HMCN2: variants seen among roughly 807,000 people sequenced by gnomAD.
HMCN2 encodes the protein hemicentin-2.
A neutral mutation model predicts 377.5 loss-of-function variants in HMCN2; 325 were observed. That is an observed-to-expected ratio of 0.86 (90% CI 0.79 to 0.94). The LOEUF is 0.94. HMCN2 is among the 40% of genes least tolerant of loss of function. The pLI is 0.00. For synonymous variants in HMCN2, 2,007 were observed against 2,046.8 expected, an observed-to-expected ratio of 0.98 and a Z score of 0.53; for missense variants, 4,543 against 4,725.3, an observed-to-expected ratio of 0.96 and a Z score of 1.13.
intron 1 of HMCN2, among the ~76,000 whole-genome samples, chr9:130,275,100 G>C (rs7034727): frequency 0.79 from 120,063 of 151,866 alleles, 47,907 homozygotes; most frequent in African/African-American, 0.91. Flanking sequence ...TCCCCACACC[G>C]CCGCCAGCAT....
intron 50 of HMCN2, 50 bp downstream of exon 50, chr9:130,375,786 A>T: frequency 2.0e-6 from 2 of 983,876 alleles, no homozygotes; most frequent in Non-Finnish European, 2.4e-6. Flanking sequence ...ACATGTCATC[A>T]GAATTGGAGG....
chr9:130,280,329 AT>A (rs36002092), intron 1 of HMCN2, among the ~76,000 whole-genome samples: 125,266 of 139,326 alleles, frequency 0.9, 56,316 homozygotes, highest in East Asian at 0.96. Flanking sequence ...TGCCCGGCTA[AT>A]TTTTTTTTTT....
At chr9:130,418,494 C>T (rs1843812536) in intron 85 of HMCN2, among the ~76,000 whole-genome samples, 1 of 152,112 alleles carries the variant, frequency 6.6e-6, no homozygotes, top group South Asian at 2.1e-4. Flanking sequence ...TTGCAGTGAG[C>T]TGAGATCGCA....
intron 73 of HMCN2, among the ~76,000 whole-genome samples, chr9:130,397,234 A>G (rs192941499): frequency 1.8e-4 from 28 of 152,360 alleles, no homozygotes; most frequent in Middle Eastern, 3.4e-3. Context: ...GAGAGAGCTT[A>G]TGCAGAGAAA....
intron 22 of HMCN2, among the ~76,000 whole-genome samples, chr9:130,335,864 G>A (rs1282747153): frequency 3.3e-5 from 5 of 152,290 alleles, no homozygotes; most frequent in South Asian, 4.2e-4. Context: ...CCCTGGAGGC[G>A]GTTCCGCAGC....
Position 130,388,488 on chromosome 9 carries a change from G to T in HMCN2, c.9471G>T (p.Val3157=). ...GCCCCCTGGTCCTGACCTGTGATGTGTCCGGGGTCCCTGCACCCACGGTCA... is the reference window on the plus strand; with the variant it reads ...GCCCCCTGGTCCTGACCTGTGATGTTTCCGGGGTCCCTGCACCCACGGTCA... ...AGSPLVLTCD[V]SGVPAPTVTW... is the part of the protein sequence containing the mutation. Residue 3157 remains valine (V), a synonymous_variant, in exon 62 of 98, where the codon GTG becomes GTT. Coordinates refer to ENST00000683500, the MANE Select transcript of HMCN2 (RefSeq NM_001291815.2). 1 of 988,082 alleles carries T rather than the reference G, an allele frequency of 1.0e-6. No individual in the cohort carries two copies. The highest frequency in any genetic ancestry group is 4.7e-5 in the South Asian group (1 of 21,386). 61.2% of individuals were successfully genotyped at this position (988,082 alleles called of 1,614,324 possible).
In HMCN2 at chr9:130,306,219, C is replaced by T; in HGVS notation, c.1907C>T (p.Thr636Ile). 1 of 471,142 alleles carries T rather than the reference C, an allele frequency of 2.1e-6. No homozygotes were observed. The highest frequency in any genetic ancestry group is 4.4e-6 in the Non-Finnish European group (1 of 227,050). The allele number at this position is 471,142 out of a possible 1,614,324, so 29.2% of individuals were successfully genotyped here. A position where few individuals can be genotyped will look rare whatever the true frequency, so the allele number is the denominator to read the frequency against. Residue 636 changes from threonine (T) to isoleucine (I), a missense_variant, in exon 12 of 98, where the codon ACA becomes ATA. Transcript: ENST00000683500. Reference protein sequence around the residue: ...KVSCSASGYPTPHISWSRESQ... With the variant: ...KVSCSASGYPIPHISWSRESQ... ...AGCTGCTCAGCCTCTGGATACCCCA[C>T]ACCCCACATCTCCTGGAGCCGTGAG...
chr9:130,425,802 A>G lies in HMCN2; in HGVS notation c.13757A>G (p.Tyr4586Cys). ...SFLRCNHSIQ[Y>C]NAARGPQPQL... ...CTACGCTGCAACCACAGCATCCAGT[A>G]CAACGCGGCCCGGGGCCCCCAGCCC... Residue 4586 changes from tyrosine (Y) to cysteine (C), a missense_variant, in exon 90 of 98, where the codon TAC (tyrosine) becomes TGC (cysteine). Tyr to Cys is a radical substitution (Grantham distance 194). This residue lies in a region of HMCN2 where 1,155 missense variants were observed against 1,157.7 expected (regional missense o/e 1.00). Coordinates refer to ENST00000683500, the MANE Select transcript of HMCN2 (RefSeq NM_001291815.2). The G allele has an allele frequency of 6.4e-7, 1 of 1,550,510 alleles. No individual in the cohort carries two copies. The highest frequency in any genetic ancestry group is 8.7e-7 in the Non-Finnish European group (1 of 1,146,976).
intron 15 of HMCN2, among the ~76,000 whole-genome samples, chr9:130,311,463 G>A (rs1837237111): frequency 6.6e-6 from 1 of 152,164 alleles, no homozygotes; most frequent in African/African-American, 2.4e-5. Flanking sequence ...CCCTGTGCTG[G>A]GGACACAGGG....
intron 4 of HMCN2, among the ~76,000 whole-genome samples, chr9:130,290,605 G>A (rs1173529099): frequency 6.6e-6 from 1 of 152,072 alleles, no homozygotes; most frequent in East Asian, 1.9e-4. Flanking sequence ...GGCTTCTGTG[G>A]GCCTCTCCAG....
At chr9:130,380,810 A>G (rs185619163) in intron 54 of HMCN2, among the ~76,000 whole-genome samples, 125 of 151,214 alleles carry the variant, frequency 8.3e-4, no homozygotes, top group African/African-American at 2.6e-3. Flanking sequence ...AAAAAAAAAG[A>G]AGGAGGCCTC....
intron 71 of HMCN2, 60 bp downstream of exon 71, chr9:130,395,407 A>G: frequency 3.3e-6 from 4 of 1,216,544 alleles, no homozygotes. Flanking sequence ...CTCAGACCTG[A>G]CCTGGCCGGA....
At chr9:130,266,530 AG>A (rs1384245926) in intron 1 of HMCN2, among the ~76,000 whole-genome samples, 1 of 152,240 alleles carries the variant, frequency 6.6e-6, no homozygotes, top group Non-Finnish European at 1.5e-5. Context: ...GAGCCTTTGC[AG>A]GGCTTTTCCT....
rs1554935328 is a variant in HMCN2 at position 130,303,533 on chromosome 9, G to A, written c.1468G>A (p.Glu490Lys). 16 of 436,684 alleles carry A rather than the reference G, an allele frequency of 3.7e-5. No individual in the cohort carries two copies. The highest frequency in any genetic ancestry group is 3.3e-5 in the South Asian group (2 of 59,898). 27.1% of individuals were successfully genotyped at this position (436,684 alleles called of 1,614,324 possible). A position where few individuals can be genotyped will look rare whatever the true frequency, so the allele number is the denominator to read the frequency against. ...GGAGATCCTGCGGGCCTCCAAGGCC[G>A]AGGAGGGCACGTACGAGTGCACAGC... is the stretch of plus-strand genomic sequence containing the variant. ...SWEILRASKAEEGTYECTAVS... is the reference protein window; with the variant it reads ...SWEILRASKAKEGTYECTAVS... Residue 490 changes from glutamate (E) to lysine (K), a missense_variant, in exon 10 of 98, where the codon GAG becomes AAG. This residue lies in a region of HMCN2 where 547 missense variants were observed against 189.9 expected (regional missense o/e 2.88). Coordinates refer to ENST00000683500, the MANE Select transcript of HMCN2 (RefSeq NM_001291815.2). The surrounding 1 kb of genome is among the most constrained non-coding windows in gnomAD (Gnocchi z 5.2).
At chr9:130,367,142 G>A (rs1431095657) in intron 43 of HMCN2, among the ~76,000 whole-genome samples, 3 of 152,160 alleles carry the variant, frequency 2.0e-5, no homozygotes, top group African/African-American at 7.2e-5. Flanking sequence ...AATCAGGGAT[G>A]ATGGAGGAGA....
rs112293362 is a variant in HMCN2 at position 130,281,343 on chromosome 9, G to T, written c.260-3260G>T. Among the ~76,000 whole-genome samples, 263 of 151,858 alleles carry T rather than the reference G, an allele frequency of 1.7e-3. 1 individual carries two copies. Among genetic ancestry groups the T allele is most frequent in the African/African-American group, 6.2e-3 (257 of 41,454 alleles). On this transcript the variant is annotated intron_variant, in intron 1 of 97. Transcript: ENST00000683500. ...GTAAAAATGTGGGTAAGACTTGGACGCCAGCACTTTGGGAGGCCGAGGCAA... is the reference window on the plus strand; with the variant it reads ...GTAAAAATGTGGGTAAGACTTGGACTCCAGCACTTTGGGAGGCCGAGGCAA...
intron 54 of HMCN2, among the ~76,000 whole-genome samples, chr9:130,380,651 G>A (rs964264125): frequency 5.3e-5 from 8 of 152,018 alleles, no homozygotes; most frequent in Non-Finnish European, 7.4e-5. Flanking sequence ...GCTGGGCGTG[G>A]TGGCATGTAC....
intron 85 of HMCN2, among the ~76,000 whole-genome samples, chr9:130,416,677 T>G (rs1308423645): frequency 6.6e-6 from 1 of 152,082 alleles, no homozygotes; most frequent in African/African-American, 2.4e-5. Flanking sequence ...GCTGGGGTAT[T>G]CGTCCAGGAG....
intron 45 of HMCN2, 97 bp from the exon 46 acceptor site, chr9:130,370,867 T>G: frequency 2.8e-6 from 2 of 724,414 alleles, no homozygotes; most frequent in Non-Finnish European, 3.4e-6. Flanking sequence ...CTCTCCCAAT[T>G]GGGTGGAGTT....
Sources: allele counts gnomAD v4.1 joint callset (sites outside exome capture counted in the v4.1 genomes callset), GRCh38; gene constraint gnomAD v4.1.1; regional missense constraint gnomAD v4.1.1; non-coding constraint Gnocchi (gnomAD v3.1); transcripts MANE v1.5; gene names NCBI Gene and HGNC (gene_info 2026-07-23, HGNC 2026-07-21).